STK33: variants seen among roughly 807,000 people sequenced by gnomAD.
The protein encoded by STK33 is serine/threonine-protein kinase 33.
In STK33, 52 loss-of-function variants were observed where a neutral mutation model predicts 58.0. The observed-to-expected ratio is 0.90, with a 90% CI of 0.72 to 1.13. The LOEUF (loss-of-function observed/expected upper bound fraction) is 1.13. STK33 is among the 50% of genes most tolerant of loss of function. The pLI is 0.00. For synonymous variants in STK33, 215 were observed against 200.1 expected, an observed-to-expected ratio of 1.07 and a Z score of -0.63; for missense variants, 630 against 604.2, an observed-to-expected ratio of 1.04 and a Z score of -0.45.
chr11:8,469,051 T>C (rs1198714567), intron 6 of STK33, among the ~76,000 whole-genome samples: 1 of 152,162 alleles, frequency 6.6e-6, no homozygotes, highest in African/African-American at 2.4e-5. Context: ...TGATGACTGA[T>C]TAGGGTAGTG....
chr11:8,585,121 C>T (rs987434362), intron 1 of STK33, among the ~76,000 whole-genome samples: 4 of 151,796 alleles, frequency 2.6e-5, no homozygotes, highest in Admixed American at 2.6e-4. Flanking sequence ...CGAGGTTTCA[C>T]CATGTTGGCC....
intron 15 of STK33, among the ~76,000 whole-genome samples, chr11:8,411,589 T>C (rs1222904006): frequency 6.6e-6 from 1 of 152,196 alleles, no homozygotes; most frequent in African/African-American, 2.4e-5. Context: ...CATGGGAAAG[T>C]TCCTTAGAGG....
intron 11 of STK33, among the ~76,000 whole-genome samples, chr11:8,448,699 A>T (rs1296469038): frequency 1.3e-5 from 2 of 152,224 alleles, no homozygotes; most frequent in African/African-American, 4.8e-5. Flanking sequence ...AACCTAGGCA[A>T]TACCATTCAG....
intron 1 of STK33, among the ~76,000 whole-genome samples, chr11:8,549,331 T>C (rs1017905578): frequency 3.9e-5 from 6 of 152,210 alleles, no homozygotes; most frequent in Non-Finnish European, 8.8e-5. Context: ...CACACTTGAT[T>C]GTGCTAAATG....
At chr11:8,540,343 G>A (rs1955407628) in intron 1 of STK33, among the ~76,000 whole-genome samples, 1 of 151,876 alleles carries the variant, frequency 6.6e-6, no homozygotes, top group African/African-American at 2.4e-5. Context: ...TAATTATCCA[G>A]GTATGGCGGG....
At chr11:8,363,195 G>A in the STK33 span, among the ~76,000 whole-genome samples, 171 of 152,274 alleles carry the variant, frequency 1.1e-3, no homozygotes, top group Admixed American at 2.9e-3. Flanking sequence ...GGGGGCGGGC[G>A]AGGGAAGAGA....
At chr11:8,461,954 C>T (rs762518854) in intron 7 of STK33, 45 bp from the exon 8 acceptor site, 2 of 1,412,692 alleles carry the variant, frequency 1.4e-6, no homozygotes, top group East Asian at 2.5e-5. Flanking sequence ...GAAAATCACT[C>T]CTACATTCCT....
intron 1 of STK33, among the ~76,000 whole-genome samples, chr11:8,538,361 C>T (rs1212213671): frequency 6.6e-6 from 1 of 152,098 alleles, no homozygotes; most frequent in Non-Finnish European, 1.5e-5. Context: ...AAGTAATTTG[C>T]CTGCAGTCAC....
chr11:8,337,196 G>C, the STK33 span, among the ~76,000 whole-genome samples: 1 of 152,238 alleles, frequency 6.6e-6, no homozygotes, highest in Non-Finnish European at 1.5e-5. Context: ...CAAGAAAGGA[G>C]ATGTTCAAAG....
chr11:8,534,654 T>C (rs1218193235), intron 1 of STK33, among the ~76,000 whole-genome samples: 1 of 150,912 alleles, frequency 6.6e-6, no homozygotes, highest in African/African-American at 2.5e-5. Flanking sequence ...GAACTCATTG[T>C]TCTAAGGCAT....
intron 1 of STK33, among the ~76,000 whole-genome samples, chr11:8,551,870 A>G (rs1054511414): frequency 2.6e-4 from 40 of 152,162 alleles, no homozygotes; most frequent in Admixed American, 5.9e-4. Flanking sequence ...GCAGCTAGGT[A>G]TTCCAGCCTT....
At chr11:8,553,233 TATATATATGATATATATGATATATATATC>T (rs1485837735) in intron 1 of STK33, among the ~76,000 whole-genome samples, 4 of 98,474 alleles carry the variant, frequency 4.1e-5, no homozygotes, top group African/African-American at 1.7e-4. Context: ...ATGGTGTGTA[TATATATATGATATATATGATATATATATC>T]ATATATATAA....
At chr11:8,342,655 A>G in the STK33 span, among the ~76,000 whole-genome samples, 1 of 152,366 alleles carries the variant, frequency 6.6e-6, no homozygotes, top group South Asian at 2.1e-4. Flanking sequence ...TTTAATCTGC[A>G]TGACATGCTT....
At chr11:8,395,829 A>T (rs1024129764) in intron 15 of STK33, among the ~76,000 whole-genome samples, 6 of 152,200 alleles carry the variant, frequency 3.9e-5, no homozygotes, top group African/African-American at 1.4e-4. Flanking sequence ...AATTCTTCGG[A>T]TAAATGGTAT....
At position 8,413,619 on chromosome 11, in the gene STK33, C is replaced by CT; in HGVS notation, c.1219dup (p.Ser407LysfsTer3). The CT allele has an allele frequency of 6.2e-7, 1 of 1,614,028 alleles. No homozygotes were observed. Among genetic ancestry groups the CT allele is most frequent in the Non-Finnish European group, 8.5e-7 (1 of 1,179,976 alleles). On this transcript the variant is annotated frameshift_variant, in exon 15 of 16. Transcript: ENST00000687296. LOFTEE classifies it high-confidence loss of function. Reference sequence around the variant, plus strand: ...CTCTTCTGTTGTGTTTTCCTCAACACTTTCTGGGTTATTTTTCCATTCCTT... The same window carrying CT: ...CTCTTCTGTTGTGTTTTCCTCAACACTTTTCTGGGTTATTTTTCCATTCCTT...
chr11:8,517,124 G>A (rs752286726), intron 1 of STK33, among the ~76,000 whole-genome samples: 1 of 152,176 alleles, frequency 6.6e-6, no homozygotes, highest in Non-Finnish European at 1.5e-5. Flanking sequence ...GTGCCCCTCT[G>A]AGACAAAGCT....
intron 1 of STK33, among the ~76,000 whole-genome samples, chr11:8,553,232 A>G (rs1195358910): frequency 4.0e-5 from 4 of 98,918 alleles, no homozygotes; most frequent in Non-Finnish European, 5.9e-5. Context: ...TATGGTGTGT[A>G]TATATATATG....
At chr11:8,573,478 G>T (rs1019596960) in intron 1 of STK33, among the ~76,000 whole-genome samples, 8 of 152,164 alleles carry the variant, frequency 5.3e-5, no homozygotes, top group African/African-American at 1.9e-4. Context: ...CTACACTGTT[G>T]GTGGGCATGT....
chr11:8,447,814 G>C (rs183957521), intron 11 of STK33, among the ~76,000 whole-genome samples: 69 of 152,248 alleles, frequency 4.5e-4, no homozygotes, highest in Admixed American at 1.4e-3. Flanking sequence ...AGGAAATAAA[G>C]GGTATTCAAT....
Sources: gnomAD v4.1 joint callset for allele counts (sites outside exome capture counted in the v4.1 genomes callset) on GRCh38, gnomAD v4.1.1 for gene constraint, MANE v1.5 for transcripts, NCBI Gene and HGNC (gene_info 2026-07-23, HGNC 2026-07-21) for gene names.